Variants in CLASP1 observed in about 807,000 individuals in gnomAD.
CLASP1 encodes cytoplasmic linker associated protein 1, also known as CLIP-associating protein 1.
CLASP1 carries 38 observed loss-of-function variants against 192.3 expected under a neutral mutation model. The observed-to-expected ratio is 0.20, with a 90% CI of 0.15 to 0.26. CLASP1 has a LOEUF of 0.26. Among genes scored for constraint, CLASP1 ranks in the 10% least tolerant of loss-of-function variants. The pLI, the probability that CLASP1 is intolerant of heterozygous loss-of-function variation, is 1.00. For missense variants in CLASP1, 1,433 were observed against 1,932.5 expected (o/e 0.74, Z 4.85); for synonymous variants, 691 against 712.8 (o/e 0.97, Z 0.49).
intron 8 of CLASP1, among the ~76,000 whole-genome samples, chr2:121,475,469 C>T (rs2091478240): frequency 6.6e-6 from 1 of 152,176 alleles, no homozygotes; most frequent in Admixed American, 6.5e-5. Context: ...GGCAAATAAG[C>T]TGTATCTGCA....
At chr2:121,350,312 C>T (rs1448491819) in intron 37 of CLASP1, among the ~76,000 whole-genome samples, 3 of 152,210 alleles carry the variant, frequency 2.0e-5, no homozygotes, top group African/African-American at 7.2e-5. Flanking sequence ...TATGGATCAT[C>T]TGGAAAGCTG....
intron 8 of CLASP1, among the ~76,000 whole-genome samples, chr2:121,478,864 A>C (rs2092189862): frequency 1.2e-5 from 1 of 84,804 alleles, no homozygotes; most frequent in Non-Finnish European, 2.3e-5. Flanking sequence ...ACCACACCAC[A>C]CACACACCAC....
At chr2:121,478,953 CACACACACA>C (rs2092280950) in intron 8 of CLASP1, among the ~76,000 whole-genome samples, 1 of 46,478 alleles carries the variant, frequency 2.2e-5, no homozygotes, top group South Asian at 6.9e-4. Context: ...ACACACACCA[CACACACACA>C]CCACACACAC....
At chr2:121,461,161 T>C (rs2087849229) in exon 11 of CLASP1, 1 of 1,605,076 alleles carries the variant, frequency 6.2e-7, no homozygotes, top group Non-Finnish European at 8.5e-7. Context: ...TAATTTTGTT[T>C]ATGGATTCCT....
intron 8 of CLASP1, chr2:121,470,539 G>C: frequency 2.6e-6 from 1 of 380,068 alleles, no homozygotes; most frequent in Non-Finnish European, 5.0e-6. Context: ...TAATTGTATG[G>C]TACTTTGTAA....
intron 34 of CLASP1, among the ~76,000 whole-genome samples, chr2:121,371,183 T>A (rs1392687662): frequency 6.6e-6 from 1 of 152,050 alleles, no homozygotes; most frequent in East Asian, 1.9e-4. Context: ...TAAGTATCAT[T>A]TTTTGGGCAC....
chr2:121,408,709 A>G (rs2077265153), intron 24 of CLASP1, among the ~76,000 whole-genome samples: 1 of 152,234 alleles, frequency 6.6e-6, no homozygotes, highest in Non-Finnish European at 1.5e-5. Flanking sequence ...AATAAGAAAA[A>G]TGTTGATAAA....
intron 14 of CLASP1, among the ~76,000 whole-genome samples, chr2:121,452,794 A>C (rs1200163989): frequency 6.6e-6 from 1 of 151,758 alleles, no homozygotes; most frequent in Admixed American, 6.6e-5. Context: ...CTGTCAAATA[A>C]ACAAACAAAC....
At position 121,530,972 on chromosome 2, in the gene CLASP1, G is replaced by C. The variant is rs367638364; in HGVS notation, c.196-647C>G. 2.5e-4 allele frequency: 178 copies of C among 700,368 alleles called. No individual in the cohort carries two copies. The highest frequency in any genetic ancestry group is 4.7e-4 in the South Asian group (32 of 67,504). 43.4% of individuals were successfully genotyped at this position (700,368 alleles called of 1,614,324 possible). A position where few individuals can be genotyped will look rare whatever the true frequency, so the allele number is the denominator to read the frequency against. ...CTGAACAACACACCCGCATCAACTA[G>C]AGCTTTTGCTTTATTTTGGTGCAAT... On this transcript the variant is annotated intron_variant, in intron 2 of 39. Transcript: ENST00000263710.
chr2:121,490,391 T>C, intron 8 of CLASP1: 1 of 399,620 alleles, frequency 2.5e-6, no homozygotes, highest in Admixed American at 3.1e-5. Flanking sequence ...ACTTGTTCAG[T>C]GTGATCCGGC....
intron 2 of CLASP1, among the ~76,000 whole-genome samples, chr2:121,536,443 T>A (rs1244032235): frequency 6.6e-6 from 1 of 151,420 alleles, no homozygotes; most frequent in Non-Finnish European, 1.5e-5. Flanking sequence ...GCAATTCCAT[T>A]TCTGGGCATA....
chr2:121,526,782 C>T (rs75919049), intron 5 of CLASP1, among the ~76,000 whole-genome samples: 72 of 151,934 alleles, frequency 4.7e-4, no homozygotes, highest in South Asian at 1.7e-3. Flanking sequence ...TTTTTCCTTG[C>T]GTACATTTTT....
chr2:121,486,822 G>C (rs2093006440), intron 8 of CLASP1, among the ~76,000 whole-genome samples: 2 of 152,140 alleles, frequency 1.3e-5, no homozygotes. Flanking sequence ...TCTTTAGCTA[G>C]AGAGGCAAAT....
intron 19 of CLASP1, among the ~76,000 whole-genome samples, chr2:121,433,940 TA>T (rs1262856338): frequency 2.6e-5 from 4 of 152,220 alleles, no homozygotes; most frequent in Non-Finnish European, 4.4e-5. Flanking sequence ...TTTTTATTAT[TA>T]TTTTTTTTTG....
chr2:121,640,498 G>A (rs930021308), intron 1 of CLASP1, among the ~76,000 whole-genome samples: 1 of 152,080 alleles, frequency 6.6e-6, no homozygotes, highest in African/African-American at 2.4e-5. Context: ...TTCATATCAG[G>A]AGCTCAAATC....
chr2:121,593,361 T>TGTA (rs2105775112), intron 2 of CLASP1, among the ~76,000 whole-genome samples: 1 of 152,292 alleles, frequency 6.6e-6, no homozygotes, highest in Non-Finnish European at 1.5e-5. Context: ...GGCTCACACC[T>TGTA]GTAATCCCAG....
intron 35 of CLASP1, among the ~76,000 whole-genome samples, chr2:121,366,665 G>A (rs556258503): frequency 2.6e-5 from 4 of 152,274 alleles, no homozygotes; most frequent in South Asian, 2.1e-4. Flanking sequence ...CATGACACAC[G>A]GTAGGCCCTT....
exon 40 of CLASP1, chr2:121,340,721 G>C: frequency 1.6e-6 from 1 of 638,074 alleles, no homozygotes; most frequent in Non-Finnish European, 2.8e-6. Context: ...AGAAAAGCTG[G>C]AAGGGACCAA....
At chr2:121,401,564 C>T (rs2076157718) in exon 28 of CLASP1, 1 of 1,613,440 alleles carries the variant, frequency 6.2e-7, no homozygotes, top group Non-Finnish European at 8.5e-7. Flanking sequence ...AGTAAATCTG[C>T]TCCCATTTTC....
Sources: allele counts gnomAD v4.1 joint callset (sites outside exome capture counted in the v4.1 genomes callset), GRCh38; gene constraint gnomAD v4.1.1; transcripts MANE v1.5; gene names NCBI Gene and HGNC (gene_info 2026-07-23, HGNC 2026-07-21).